The following EVA1C variants were observed in gnomAD, a reference collection of about 807,000 sequenced individuals.
EVA1C encodes protein eva-1 homolog C.
A neutral mutation model predicts 45.4 loss-of-function variants in EVA1C; 25 were observed. That is an observed-to-expected ratio of 0.55 (90% CI 0.40 to 0.77). The LOEUF is 0.77. Ranked by LOEUF, EVA1C falls within the 30% of genes least tolerant of loss-of-function variation. The pLI, the probability that EVA1C is intolerant of heterozygous loss-of-function variation, is 0.00. For missense variants in EVA1C, 479 were observed against 554.8 expected (o/e 0.86, Z 1.37); for synonymous variants, 190 against 221.2 (o/e 0.86, Z 1.25).
chr21:32,414,844 T>G (rs1268018576), intron 1 of EVA1C, among the ~76,000 whole-genome samples: 2 of 152,188 alleles, frequency 1.3e-5, no homozygotes, highest in African/African-American at 4.8e-5. Flanking sequence ...TCTCCAGAGA[T>G]CTGAAGATTA....
chr21:32,463,962 C>T (rs992120025), intron 3 of EVA1C, among the ~76,000 whole-genome samples: 2 of 152,136 alleles, frequency 1.3e-5, no homozygotes, highest in African/African-American at 4.8e-5. Flanking sequence ...GTGTTTCTAT[C>T]CAAGCCCTCT....
intron 6 of EVA1C, among the ~76,000 whole-genome samples, chr21:32,502,045 TTTCTTTC>T (rs1429862218): frequency 3.0e-5 from 4 of 134,060 alleles, no homozygotes; most frequent in Non-Finnish European, 3.2e-5. Context: ...TCTTTCTTTC[TTTCTTTC>T]TTCTTTCTTT....
chr21:32,492,815 G>T (rs189737044), intron 4 of EVA1C, among the ~76,000 whole-genome samples: 321 of 151,970 alleles, frequency 2.1e-3, no homozygotes, highest in Non-Finnish European at 3.8e-3. Context: ...TGCAGCTTAA[G>T]ATCTGAAACC....
At chr21:32,449,541 T>C (rs1378797712) in intron 1 of EVA1C, among the ~76,000 whole-genome samples, 3 of 152,256 alleles carry the variant, frequency 2.0e-5, no homozygotes, top group African/African-American at 7.2e-5. Context: ...TTTTGTGGTT[T>C]GATAGCTCAT....
At chr21:32,420,302 G>A (rs1163626190) in intron 1 of EVA1C, among the ~76,000 whole-genome samples, 8 of 152,184 alleles carry the variant, frequency 5.3e-5, no homozygotes, top group African/African-American at 9.7e-5. Flanking sequence ...CCTGGGAAGC[G>A]GAGGTTGCAG....
intron 1 of EVA1C, among the ~76,000 whole-genome samples, chr21:32,423,478 C>T (rs2034368374): frequency 6.6e-6 from 1 of 152,052 alleles, no homozygotes; most frequent in African/African-American, 2.4e-5. Context: ...GGTTCATGGA[C>T]ACACACATTA....
chr21:32,458,482 CTT>C (rs60556962), intron 3 of EVA1C, among the ~76,000 whole-genome samples: 20 of 142,612 alleles, frequency 1.4e-4, no homozygotes, highest in South Asian at 2.2e-4. Flanking sequence ...AAGTTAAGCA[CTT>C]TTTTTTTTTT....
intron 1 of EVA1C, among the ~76,000 whole-genome samples, chr21:32,416,783 C>G (rs2034066167): frequency 6.6e-6 from 1 of 152,168 alleles, no homozygotes; most frequent in South Asian, 2.1e-4. Flanking sequence ...CACCCTTGGA[C>G]AAAGTAGACA....
intron 1 of EVA1C, among the ~76,000 whole-genome samples, chr21:32,416,480 C>G (rs935821835): frequency 4.0e-5 from 6 of 151,872 alleles, no homozygotes; most frequent in African/African-American, 4.8e-5. Flanking sequence ...GGGCACCCAC[C>G]ACCACACCCA....
intron 4 of EVA1C, among the ~76,000 whole-genome samples, chr21:32,473,641 T>C (rs1366303941): frequency 6.6e-6 from 1 of 152,214 alleles, no homozygotes; most frequent in East Asian, 1.9e-4. Context: ...ATCTCTCCCC[T>C]GGACATCGAA....
chr21:32,475,160 TAAGTTA>T (rs1396272494), intron 4 of EVA1C, among the ~76,000 whole-genome samples: 1 of 152,174 alleles, frequency 6.6e-6, no homozygotes, highest in Non-Finnish European at 1.5e-5. Flanking sequence ...CTCTTGCCTA[TAAGTTA>T]AAGTCTGGCA....
At chr21:32,440,028 G>A (rs2035114895) in intron 1 of EVA1C, among the ~76,000 whole-genome samples, 1 of 151,454 alleles carries the variant, frequency 6.6e-6, no homozygotes, top group Non-Finnish European at 1.5e-5. Context: ...TTGAAAGGCT[G>A]TCTAAGCGGG....
intron 7 of EVA1C, among the ~76,000 whole-genome samples, chr21:32,510,362 G>A (rs909892109): frequency 2.0e-5 from 3 of 152,040 alleles, no homozygotes; most frequent in African/African-American, 2.4e-5. Context: ...GCCGATTTCC[G>A]CCATTACTTT....
intron 7 of EVA1C, among the ~76,000 whole-genome samples, chr21:32,514,348 T>C (rs8127603): frequency 0.39 from 59,333 of 152,176 alleles, 12,719 homozygotes; most frequent in East Asian, 0.66. Flanking sequence ...CTACTACTAA[T>C]AATAGCAGCA....
chr21:32,492,439 A>G (rs1047734416), intron 4 of EVA1C, among the ~76,000 whole-genome samples: 1 of 152,114 alleles, frequency 6.6e-6, no homozygotes, highest in Admixed American at 6.5e-5. Flanking sequence ...GGAAAAGCAT[A>G]AGTCTGGAGA....
chr21:32,499,835 C>T (rs1452404678), intron 5 of EVA1C, among the ~76,000 whole-genome samples: 2 of 152,278 alleles, frequency 1.3e-5, no homozygotes, highest in East Asian at 3.9e-4. Context: ...CTTGCTCTGC[C>T]CTCTGTTTCA....
chr21:32,513,829 C>T (rs942375945), intron 7 of EVA1C, among the ~76,000 whole-genome samples: 34 of 152,118 alleles, frequency 2.2e-4, no homozygotes, highest in African/African-American at 6.0e-4. Context: ...GCGTGAGCCA[C>T]GACACCCAGC....
intron 7 of EVA1C, among the ~76,000 whole-genome samples, chr21:32,512,332 A>G (rs1207909524): frequency 6.6e-6 from 1 of 152,198 alleles, no homozygotes; most frequent in African/African-American, 2.4e-5. Flanking sequence ...ATTATGGGTA[A>G]TTTAATTCAG....
At chr21:32,442,982 A>AAGGG (rs1028519386) in intron 1 of EVA1C, among the ~76,000 whole-genome samples, 15 of 119,324 alleles carry the variant, frequency 1.3e-4, no homozygotes, top group African/African-American at 4.0e-4. Flanking sequence ...GAAGGGAAGG[A>AAGGG]AGGGAGGGAG....
Sources: allele counts gnomAD v4.1 joint callset (sites outside exome capture counted in the v4.1 genomes callset), GRCh38; gene constraint gnomAD v4.1.1; transcripts MANE v1.5; gene names NCBI Gene and HGNC (gene_info 2026-07-23, HGNC 2026-07-21).